Variants in EMC3 observed in about 807,000 individuals in gnomAD.
The protein encoded by EMC3 is 30 kDa protein.
In EMC3, 13 loss-of-function variants were observed where a neutral mutation model predicts 36.6. The ratio of observed to expected loss-of-function variants is 0.35; its 90% CI spans 0.23 to 0.56. The LOEUF is 0.56. Ranked by LOEUF, EMC3 falls within the 20% of genes least tolerant of loss-of-function variation. EMC3 has a pLI of 0.84. For synonymous variants in EMC3, 120 were observed against 111.9 expected, an observed-to-expected ratio of 1.07 and a Z score of -0.46; for missense variants, 220 against 324.5, an observed-to-expected ratio of 0.68 and a Z score of 2.47.
At chr3:9,978,414 T>G (rs1329569675) in intron 1 of EMC3, 2 of 152,062 alleles carry the variant, frequency 1.3e-5, no homozygotes, top group African/African-American at 2.4e-5. Context: ...ATCAAAATAT[T>G]AATTTTTTTC....
intron 3 of EMC3, 152 bp downstream of exon 3, chr3:9,976,805 G>T: frequency 1.5e-6 from 1 of 649,370 alleles, no homozygotes; most frequent in Non-Finnish European, 2.7e-6. Flanking sequence ...CACTTCCATA[G>T]ATCCCTGTAT....
At chr3:9,965,385 C>T (rs2085726702) in intron 7 of EMC3, among the ~76,000 whole-genome samples, 1 of 151,668 alleles carries the variant, frequency 6.6e-6, no homozygotes, top group Admixed American at 6.6e-5. Context: ...TGTACCACTG[C>T]ACTCCAGCCT....
Position 9,963,477 on chromosome 3 carries a change from A to ATATATATATATATATATAT in EMC3, c.*591_*592insATATATATATATATATATA, listed in dbSNP as rs61596273. 1.1e-5 allele frequency: 1 copy of ATATATATATATATATATAT among 88,926 alleles called. No individual in the cohort carries two copies. The highest frequency in any genetic ancestry group is 4.7e-5 in the African/African-American group (1 of 21,328). 5.5% of individuals were successfully genotyped at this position (88,926 alleles called of 1,614,324 possible). A position where few individuals can be genotyped will look rare whatever the true frequency, so the allele number is the denominator to read the frequency against. ...TAGATATATATATATATATATATAT[A>ATATATATATATATATATAT]TTTTTTTTTTTTTTTCAGATGGAGT... On this transcript the variant is annotated 3_prime_UTR_variant, in exon 8 of 8. Transcript: ENST00000245046.
Position 9,977,055 on chromosome 3 carries a change from T to TAAA in EMC3, c.214-8_214-6dup. 2.2e-5 allele frequency: 29 copies of TAAA among 1,334,242 alleles called. No individual in the cohort carries two copies. Among genetic ancestry groups the TAAA allele is most frequent in the East Asian group, 4.9e-5 (2 of 40,436 alleles). The allele number at this position is 1,334,242 out of a possible 1,614,324, so 82.7% of individuals were successfully genotyped here. A position where few individuals can be genotyped will look rare whatever the true frequency, so the allele number is the denominator to read the frequency against. ...ATATTTTCGTGTCAAGAAAGACTAG[T>TAAA]AAAAAAAAAAAAAAGTGTTTTAAGT... On this transcript the variant is annotated splice_region_variant and splice_polypyrimidine_tract_variant and intron_variant, in intron 2 of 7. Transcript: ENST00000245046.
intron 1 of EMC3, among the ~76,000 whole-genome samples, chr3:9,994,545 C>A (rs1224986114): frequency 6.6e-6 from 1 of 151,924 alleles, no homozygotes; most frequent in East Asian, 1.9e-4. Context: ...AATTAAGATA[C>A]AGATTTGGTC....
chr3:9,983,147 G>A (rs2085929938), intron 1 of EMC3, among the ~76,000 whole-genome samples: 1 of 147,376 alleles, frequency 6.8e-6, no homozygotes, highest in South Asian at 2.2e-4. Context: ...GTAATCTGTG[G>A]AATTTTTTTT....
intron 1 of EMC3, among the ~76,000 whole-genome samples, chr3:10,002,303 T>TGTTATGTTATGTTATGTTATG (rs1335633229): frequency 6.6e-6 from 1 of 151,810 alleles, no homozygotes; most frequent in African/African-American, 2.4e-5. Context: ...TTTTATTTTA[T>TGTTATGTTATGTTATGTTATG]TTTGAGATAG....
chr3:9,986,486 T>C (rs1372256573), intron 1 of EMC3, 21 bp downstream of exon 1: 10 of 1,612,142 alleles, frequency 6.2e-6, no homozygotes, highest in Admixed American at 5.0e-5. Flanking sequence ...TGAGGTAGGC[T>C]GGAGAAGGGA....
chr3:9,970,928 T>A (rs2085778537), intron 5 of EMC3, among the ~76,000 whole-genome samples: 1 of 88,408 alleles, frequency 1.1e-5, no homozygotes, highest in South Asian at 3.9e-4. Context: ...TGTTCCATAC[T>A]TTTTTTTTTT....
chr3:9,986,753 T>G lies in EMC3; in HGVS notation c.-92A>C. 1 of 1,563,552 alleles carries G rather than the reference T, an allele frequency of 6.4e-7. No individual in the cohort carries two copies. The highest frequency in any genetic ancestry group is 8.7e-7 in the Non-Finnish European group (1 of 1,155,548). ...TCTTCGGCTTCGCCTCCGGGCCTTC[T>G]CAAGCCCCTTTGCCCGTGTACCCCA... On this transcript the variant is annotated 5_prime_UTR_variant, in exon 1 of 8. Transcript: ENST00000245046.
chr3:9,996,024 G>A (rs2086119864), intron 1 of EMC3, among the ~76,000 whole-genome samples: 1 of 152,080 alleles, frequency 6.6e-6, no homozygotes, highest in East Asian at 1.9e-4. Flanking sequence ...TGTCTATTAG[G>A]GTAGAGATGG....
intron 1 of EMC3, among the ~76,000 whole-genome samples, chr3:9,992,504 T>G: frequency 6.6e-6 from 1 of 152,234 alleles, no homozygotes; most frequent in Non-Finnish European, 1.5e-5. Context: ...CTTTCCAGAT[T>G]GATGGGCATT....
upstream of EMC3, chr3:9,987,791 C>A (rs1284285379): frequency 1.8e-5 from 9 of 502,014 alleles, no homozygotes; most frequent in Non-Finnish European, 2.6e-5. Context: ...AAATGTCCAA[C>A]GTTTAAAATT....
chr3:9,963,914 A>C lies in EMC3; in HGVS notation c.*155T>G. On this transcript the variant is annotated 3_prime_UTR_variant, in exon 8 of 8. Transcript: ENST00000245046. The stretch of plus-strand genomic sequence containing the variant: ...ACTCCTATTTCCTCTAGTTTCAAAC[A>C]TAAAGGGGAACCCAGCCCAGACAAG... 7.8e-7 allele frequency: 1 copy of C among 1,284,316 alleles called. No homozygotes were observed. Among genetic ancestry groups the C allele is most frequent in the East Asian group, 2.4e-5 (1 of 42,196 alleles). The allele number at this position is 1,284,316 out of a possible 1,614,324, so 79.6% of individuals were successfully genotyped here. A position where few individuals can be genotyped will look rare whatever the true frequency, so the allele number is the denominator to read the frequency against.
upstream of EMC3, chr3:9,987,256 G>C (rs2085987615): frequency 1.0e-6 from 1 of 984,486 alleles, no homozygotes; most frequent in Non-Finnish European, 1.2e-6. Context: ...AGGCGGGGAC[G>C]GCTTCTCGGT....
upstream of EMC3, among the ~76,000 whole-genome samples, chr3:9,991,279 T>A (rs1216770993): frequency 2.0e-5 from 3 of 152,088 alleles, no homozygotes; most frequent in African/African-American, 4.8e-5. Flanking sequence ...TTTTCTTTTT[T>A]AAACTTAGGT....
intron 7 of EMC3, 138 bp from the exon 8 acceptor site, chr3:9,964,335 G>A (rs1020197657): frequency 6.5e-6 from 9 of 1,376,734 alleles, no homozygotes; most frequent in Non-Finnish European, 5.7e-6. Context: ...AATCCTACAA[G>A]GGAAATGCTG....
rs1336573838 is a variant in EMC3, at chr3:9,963,529, C to T, written c.*540G>A. The T allele has an allele frequency of 1.4e-5, 2 of 142,938 alleles. No individual in the cohort carries two copies. The highest frequency in any genetic ancestry group is 5.3e-5 in the African/African-American group (2 of 37,736). The allele number at this position is 142,938 out of a possible 1,614,324, so 8.9% of individuals were successfully genotyped here. ...TTGCTCTGTCGCCCAGGCTGGAGCG[C>T]AGTGGCACGATGTCAGCTCACTGCA... On this transcript the variant is annotated 3_prime_UTR_variant, in exon 8 of 8. Transcript: ENST00000245046.
At position 9,967,250 on chromosome 3, in the gene EMC3, T is replaced by C. The variant is rs184730499; in HGVS notation, c.657+2469A>G. 7.9e-4 allele frequency among the ~76,000 whole-genome samples: 121 copies of C among 152,292 alleles called. 1 individual carries two copies. Among genetic ancestry groups the C allele is most frequent in the South Asian group, 2.9e-3 (14 of 4,822 alleles). ...TGTGCAGTGGCACAATCACAGCTCA[T>C]TGCAGCCTCAAACTCCTCAGCTCAA... On this transcript the variant is annotated intron_variant, in intron 7 of 7. Transcript: ENST00000245046.
Sources: allele counts gnomAD v4.1 joint callset (sites outside exome capture counted in the v4.1 genomes callset), GRCh38; gene constraint gnomAD v4.1.1; transcripts MANE v1.5; gene names NCBI Gene and HGNC (gene_info 2026-07-23, HGNC 2026-07-21).